The following SERGEF variants were observed in gnomAD, a reference collection of about 807,000 sequenced individuals.
SERGEF encodes the protein secretion-regulating guanine nucleotide exchange factor.
Under a neutral mutation model 50.0 loss-of-function variants are expected in SERGEF, and 51 were observed. That is an observed-to-expected ratio of 1.02 (90% confidence interval 0.81 to 1.29). The LOEUF is 1.29. SERGEF is among the 50% of genes most tolerant of loss of function. The pLI, the probability that SERGEF is intolerant of heterozygous loss-of-function variation, is 0.00. For synonymous variants in SERGEF, 205 were observed against 212.4 expected (o/e 0.97, Z 0.30); for missense variants, 521 against 557.0 (o/e 0.94, Z 0.65).
At chr11:17,986,213 C>T (rs1430880177) in intron 8 of SERGEF, among the ~76,000 whole-genome samples, 1 of 152,110 alleles carries the variant, frequency 6.6e-6, no homozygotes, top group Non-Finnish European at 1.5e-5. Context: ...TAAATAGAAG[C>T]CCTGGGTGTT....
chr11:17,873,240 T>A (rs1435461014), intron 10 of SERGEF, among the ~76,000 whole-genome samples: 1 of 152,014 alleles, frequency 6.6e-6, no homozygotes, highest in Non-Finnish European at 1.5e-5. Context: ...CTGGGTGGAG[T>A]AAACTGCTCA....
intron 9 of SERGEF, among the ~76,000 whole-genome samples, chr11:17,930,597 C>G (rs144429122): frequency 6.6e-6 from 1 of 152,148 alleles, no homozygotes; most frequent in Non-Finnish European, 1.5e-5. Context: ...CCTTCCCCAT[C>G]TATGCTGTCC....
chr11:17,842,756 T>C (rs1339141045), intron 10 of SERGEF, among the ~76,000 whole-genome samples: 1 of 152,160 alleles, frequency 6.6e-6, no homozygotes, highest in Admixed American at 6.5e-5. Context: ...GCTGGAGGCA[T>C]TGTGGGGAGT....
At chr11:17,922,235 G>A (rs1420483095) in intron 9 of SERGEF, among the ~76,000 whole-genome samples, 1 of 152,114 alleles carries the variant, frequency 6.6e-6, no homozygotes, top group Non-Finnish European at 1.5e-5. Context: ...CTTAACACTG[G>A]CCTTCAATTA....
intron 10 of SERGEF, among the ~76,000 whole-genome samples, chr11:17,859,232 AATATCCATAGAAAAAT>A (rs1850882218): frequency 6.6e-6 from 1 of 152,198 alleles, no homozygotes; most frequent in Non-Finnish European, 1.5e-5. Context: ...CTCTATAATT[AATATCCATAGAAAAAT>A]GATAGATGAT....
At chr11:17,974,971 T>C (rs1474706272) in intron 8 of SERGEF, among the ~76,000 whole-genome samples, 5 of 152,162 alleles carry the variant, frequency 3.3e-5, no homozygotes, top group Non-Finnish European at 5.9e-5. Flanking sequence ...AACTAATGGC[T>C]AGAAGCTTCT....
chr11:17,958,553 A>C (rs1852922385), intron 9 of SERGEF, among the ~76,000 whole-genome samples: 1 of 152,214 alleles, frequency 6.6e-6, no homozygotes, highest in South Asian at 2.1e-4. Context: ...ACTGAACTAC[A>C]GTGTTTTCTG....
At position 17,788,216 on chromosome 11, in the gene SERGEF, A is replaced by G; in HGVS notation, c.1246T>C (p.Tyr416His). ...PALVQDPKVT[Y>H]LSPDAIEDTE... Reference sequence around the variant, plus strand: ...TCCTCGATGGCATCTGGGGAAAGGTAGGTGACCTTGGGGTCCTGGACCAAT... The same window carrying G: ...TCCTCGATGGCATCTGGGGAAAGGTGGGTGACCTTGGGGTCCTGGACCAAT... Residue 416 changes from tyrosine to histidine, a missense_variant, in exon 11 of 11, where the codon TAC becomes CAC. Physicochemically the swap from Tyr to His is moderately conservative, Grantham distance 83. Transcript: ENST00000265965. 1 of 1,611,878 alleles carries G rather than the reference A, an allele frequency of 6.2e-7. No homozygotes were observed. Among genetic ancestry groups the G allele is most frequent in the Non-Finnish European group, 8.5e-7 (1 of 1,178,172 alleles).
intron 5 of SERGEF, among the ~76,000 whole-genome samples, chr11:17,998,468 T>C (rs867464730): frequency 1.8e-4 from 19 of 107,306 alleles, no homozygotes; most frequent in East Asian, 4.0e-4. Context: ...TATATATATA[T>C]ATATATATAT....
intron 1 of SERGEF, 46 bp from the exon 2 acceptor site, chr11:18,008,122 T>G (rs1384205393): frequency 6.3e-7 from 1 of 1,586,102 alleles, no homozygotes; most frequent in Admixed American, 1.7e-5. Flanking sequence ...GAACCACAAC[T>G]GTCAATGTCT....
At chr11:17,837,622 T>C (rs529629562) in intron 10 of SERGEF, among the ~76,000 whole-genome samples, 9 of 150,598 alleles carry the variant, frequency 6.0e-5, no homozygotes, top group Non-Finnish European at 8.9e-5. Context: ...ATGCTTCTTA[T>C]ACAGCCTGCA....
At chr11:17,929,037 A>G (rs1360394636) in intron 9 of SERGEF, among the ~76,000 whole-genome samples, 1 of 152,208 alleles carries the variant, frequency 6.6e-6, no homozygotes, top group East Asian at 1.9e-4. Context: ...CTATTTCTCT[A>G]TGTCATAAAC....
chr11:17,869,720 A>T (rs908616756), intron 10 of SERGEF, among the ~76,000 whole-genome samples: 11 of 152,156 alleles, frequency 7.2e-5, no homozygotes, highest in Non-Finnish European at 1.2e-4. Context: ...TCAACATAAA[A>T]TTTTTTGAAA....
At chr11:17,813,498 T>C (rs1028832310) in intron 10 of SERGEF, among the ~76,000 whole-genome samples, 1 of 152,228 alleles carries the variant, frequency 6.6e-6, no homozygotes, top group African/African-American at 2.4e-5. Flanking sequence ...TCCATTAAAA[T>C]GAGAAGCATT....
At chr11:17,946,196 A>T (rs1389825741) in intron 9 of SERGEF, among the ~76,000 whole-genome samples, 1 of 152,160 alleles carries the variant, frequency 6.6e-6, no homozygotes, top group Non-Finnish European at 1.5e-5. Context: ...ATGAAAATGG[A>T]ATCCTGGTAT....
chr11:17,932,318 A>G (rs1465014627), intron 9 of SERGEF, among the ~76,000 whole-genome samples: 10 of 152,196 alleles, frequency 6.6e-5, no homozygotes, highest in Admixed American at 2.6e-4. Context: ...AGAGCCCATC[A>G]CTTCAAAGGG....
Position 18,012,982 on chromosome 11 carries a change from G to A in SERGEF, c.29C>T (p.Ala10Val), listed in dbSNP as rs1437380307. 1.5e-5 allele frequency: 22 copies of A among 1,465,194 alleles called. No homozygotes were observed. The highest frequency in any genetic ancestry group is 2.9e-5 in the East Asian group (1 of 34,668). The allele number at this position is 1,465,194 out of a possible 1,614,324, so 90.8% of individuals were successfully genotyped here. ...GAAGAGCGCGGCCGCCGCGGGGGCG[G>A]CCTCCGAGGCGCTGGGCTCGCGCTC... Reference protein sequence around the residue: MEREPSASEAAPAAAALFAW... With the variant: MEREPSASEVAPAAAALFAW... Residue 10 changes from alanine to valine, a missense_variant, in exon 1 of 11, where the codon GCC becomes GTC. Coordinates refer to ENST00000265965, the MANE Select transcript of SERGEF (RefSeq NM_012139.4).
chr11:17,831,510 A>T (rs1850308059), intron 10 of SERGEF, among the ~76,000 whole-genome samples: 1 of 152,222 alleles, frequency 6.6e-6, no homozygotes, highest in South Asian at 2.1e-4. Context: ...CATGAGTAAA[A>T]TCATGAAGCC....
At chr11:18,010,978 T>A (rs958044794) in intron 1 of SERGEF, among the ~76,000 whole-genome samples, 75 of 152,322 alleles carry the variant, frequency 4.9e-4, no homozygotes, top group African/African-American at 1.8e-3. Flanking sequence ...ATGGGCACTC[T>A]GAGGTTCAAA....
Sources: allele counts gnomAD v4.1 joint callset (sites outside exome capture counted in the v4.1 genomes callset), GRCh38; gene constraint gnomAD v4.1.1; transcripts MANE v1.5; gene names NCBI Gene and HGNC (gene_info 2026-07-23, HGNC 2026-07-21).